Variants in VAV3 observed in about 807,000 individuals in gnomAD.
VAV3 encodes guanine nucleotide exchange factor VAV3.
A neutral mutation model predicts 131.2 loss-of-function variants in VAV3; 94 were observed. The ratio of observed to expected loss-of-function variants is 0.72; its 90% CI spans 0.61 to 0.85. VAV3 has a LOEUF of 0.85. Among genes scored for constraint, VAV3 ranks in the 40% least tolerant of loss-of-function variants. VAV3 has a pLI of 0.00. For synonymous variants in VAV3, 349 were observed against 342.0 expected (o/e 1.02, Z -0.22); for missense variants, 939 against 1,002.7 (o/e 0.94, Z 0.86).
rs572142851 is a variant in VAV3 at position 107,820,207 on chromosome 1, T to C, written c.322-40715A>G. On this transcript the variant is annotated intron_variant, in intron 2 of 26. Transcript: ENST00000370056. Reference sequence around the variant, plus strand: ...CAGTATCTATGATTTGGAAGCAACCTAAATGTCCATCAGCAGATGAATGAA... The same window carrying C: ...CAGTATCTATGATTTGGAAGCAACCCAAATGTCCATCAGCAGATGAATGAA... 7.9e-4 allele frequency among the ~76,000 whole-genome samples: 121 copies of C among 152,326 alleles called. No individual in the cohort carries two copies. The Middle Eastern group carries it at 0.01, about 13-fold the overall frequency.
At chr1:107,909,808 T>C (rs987670536) in intron 1 of VAV3, among the ~76,000 whole-genome samples, 2 of 152,180 alleles carry the variant, frequency 1.3e-5, no homozygotes, top group African/African-American at 4.8e-5. Context: ...GTTATCTTCT[T>C]TATGGGAAGG....
At chr1:107,660,132 T>C (rs1656900596) in intron 19 of VAV3, among the ~76,000 whole-genome samples, 1 of 152,164 alleles carries the variant, frequency 6.6e-6, no homozygotes, top group Admixed American at 6.6e-5. Context: ...TCCATGTTTT[T>C]TTCTTTCCCA....
At position 107,617,615 on chromosome 1, in the gene VAV3, A is replaced by C; in HGVS notation, c.1932T>G (p.Ser644=). 6.2e-7 allele frequency: 1 copy of C among 1,610,016 alleles called. No individual in the cohort carries two copies. ...CACTTGGAAAAAATCCAACCTCTCCAGATGCTAAATTTCTGCCCTAAGGAA... is the reference window on the plus strand; with the variant it reads ...CACTTGGAAAAAATCCAACCTCTCCCGATGCTAAATTTCTGCCCTAAGGAA... ...SLFWQGRNLA[S]GEVGFFPSDA... The change falls in exon 21 of 27, where the codon TCT becomes TCG. Residue 644 remains serine, a synonymous_variant. Transcript: ENST00000370056.
chr1:107,871,546 T>C (rs1670254064), intron 2 of VAV3, among the ~76,000 whole-genome samples: 1 of 152,082 alleles, frequency 6.6e-6, no homozygotes. Flanking sequence ...TGTTCTAATT[T>C]TTGTTGATGT....
chr1:107,876,324 T>C (rs1670495084), intron 1 of VAV3, among the ~76,000 whole-genome samples: 1 of 151,766 alleles, frequency 6.6e-6, no homozygotes, highest in Non-Finnish European at 1.5e-5. Context: ...CCTCTTGGAG[T>C]TGGTTTCAGA....
intron 25 of VAV3, among the ~76,000 whole-genome samples, chr1:107,588,269 A>G (rs1320067006): frequency 6.6e-6 from 1 of 152,246 alleles, no homozygotes; most frequent in South Asian, 2.1e-4. Context: ...ATAAATGAAG[A>G]GAGAAGAATA....
chr1:107,768,083 G>A (rs1026549229), intron 7 of VAV3, among the ~76,000 whole-genome samples: 4 of 152,168 alleles, frequency 2.6e-5, no homozygotes, highest in Admixed American at 6.5e-5. Flanking sequence ...TCACCTACAA[G>A]ACAAGGTCTG....
intron 2 of VAV3, among the ~76,000 whole-genome samples, chr1:107,821,907 A>T (rs1365983821): frequency 6.6e-6 from 1 of 152,234 alleles, no homozygotes; most frequent in Non-Finnish European, 1.5e-5. Context: ...GGGAAGAAGT[A>T]CAGGTGGCCT....
At chr1:107,900,121 C>T (rs1039066866) in intron 1 of VAV3, among the ~76,000 whole-genome samples, 1 of 152,142 alleles carries the variant, frequency 6.6e-6, no homozygotes, top group East Asian at 1.9e-4. Flanking sequence ...AAGCTCAAGG[C>T]TCAAGGTGTG....
chr1:107,589,459 G>C (rs547537588), intron 25 of VAV3, among the ~76,000 whole-genome samples: 28 of 152,284 alleles, frequency 1.8e-4, no homozygotes, highest in African/African-American at 6.7e-4. Flanking sequence ...GTAGAAACTG[G>C]GAGAGGGGCA....
At chr1:107,896,763 T>C (rs139245507) in intron 1 of VAV3, among the ~76,000 whole-genome samples, 1 of 152,336 alleles carries the variant, frequency 6.6e-6, no homozygotes, top group Non-Finnish European at 1.5e-5. Flanking sequence ...TACAGGAATG[T>C]CATGTTCCGT....
At chr1:107,689,107 G>C (rs909193215) in intron 17 of VAV3, among the ~76,000 whole-genome samples, 3 of 152,108 alleles carry the variant, frequency 2.0e-5, no homozygotes, top group Non-Finnish European at 4.4e-5. Flanking sequence ...AAGAGCAAAG[G>C]ATCGTTCTGG....
chr1:107,840,688 G>T (rs951545766), intron 2 of VAV3, among the ~76,000 whole-genome samples: 19 of 152,102 alleles, frequency 1.2e-4, no homozygotes, highest in African/African-American at 4.1e-4. Flanking sequence ...TCTGGTCAAG[G>T]CAGGAAAGGA....
At chr1:107,708,119 A>C (rs1008855332) in intron 15 of VAV3, among the ~76,000 whole-genome samples, 3 of 152,206 alleles carry the variant, frequency 2.0e-5, no homozygotes, top group Non-Finnish European at 4.4e-5. Flanking sequence ...CAAATGAGCA[A>C]AGACATGAGA....
At chr1:107,826,521 G>C (rs965442311) in intron 2 of VAV3, among the ~76,000 whole-genome samples, 1 of 152,116 alleles carries the variant, frequency 6.6e-6, no homozygotes. Context: ...GTCGTTTTTG[G>C]AAAAAATGAA....
chr1:107,955,939 A>G (rs771446234), intron 1 of VAV3, among the ~76,000 whole-genome samples: 61 of 152,218 alleles, frequency 4.0e-4, no homozygotes, highest in Non-Finnish European at 7.9e-4. Context: ...ATCACACCCA[A>G]TGTTCATCCA....
chr1:107,963,430 T>C (rs1405667298), intron 1 of VAV3: 2 of 152,144 alleles, frequency 1.3e-5, no homozygotes, highest in Non-Finnish European at 2.9e-5. Flanking sequence ...CACTTTTAAA[T>C]ACGTATGGCT....
In VAV3 at chr1:107,779,481, T is replaced by C; in HGVS notation, c.333A>G (p.Thr111=). The C allele has an allele frequency of 6.3e-7, 1 of 1,589,854 alleles. No homozygotes were observed. Among genetic ancestry groups the C allele is most frequent in the Non-Finnish European group, 8.6e-7 (1 of 1,167,768 alleles). The stretch of plus-strand genomic sequence containing the variant: ...TAGGTGTTCGAGAAAGTCGTGATAA[T>C]GTTTCTATAACCTGAGAAAAGAGGA... ...DVRDFGKVIE[T]LSRLSRTPIA... is the part of the protein sequence containing the mutation. The change falls in exon 3 of 27, where the codon ACA becomes ACG. Residue 111 remains threonine, a synonymous_variant. Transcript: ENST00000370056.
chr1:107,919,714 T>C (rs1672798648), intron 1 of VAV3, among the ~76,000 whole-genome samples: 1 of 152,132 alleles, frequency 6.6e-6, no homozygotes, highest in Non-Finnish European at 1.5e-5. Flanking sequence ...TACTAACATG[T>C]TATATAAAGA....
Sources: gnomAD v4.1 joint callset for allele counts (sites outside exome capture counted in the v4.1 genomes callset) on GRCh38, gnomAD v4.1.1 for gene constraint, MANE v1.5 for transcripts, NCBI Gene and HGNC (gene_info 2026-07-23, HGNC 2026-07-21) for gene names.